Variants in RHBDL2 observed in about 807,000 individuals in gnomAD.
RHBDL2 encodes the protein rhomboid like 2, also known as rhomboid-related protein 2.
RHBDL2 carries 26 observed loss-of-function variants against 31.7 expected under a neutral mutation model. That is an observed-to-expected ratio of 0.82 (90% CI 0.60 to 1.14). The LOEUF (loss-of-function observed/expected upper bound fraction) is 1.14. Among genes scored for constraint, RHBDL2 ranks in the 50% most tolerant of loss-of-function variants. The pLI is 0.00. For missense variants in RHBDL2, 336 were observed against 364.4 expected, an observed-to-expected ratio of 0.92 and a Z score of 0.63; for synonymous variants, 123 against 127.2, an observed-to-expected ratio of 0.97 and a Z score of 0.22.
chr1:38,911,460 A>G, intron 3 of RHBDL2, 26 bp from the exon 4 acceptor site: 1 of 1,472,816 alleles, frequency 6.8e-7, no homozygotes, highest in East Asian at 2.3e-5. Context: ...ATAGTTGTCA[A>G]ATATTATGAC....
Position 38,919,220 on chromosome 1 carries a change from G to C in RHBDL2, c.-8C>G, listed in dbSNP as rs1643278813. On this transcript the variant is annotated 5_prime_UTR_variant, in exon 2 of 8. Coordinates refer to ENST00000372990, the MANE Select transcript of RHBDL2 (RefSeq NM_017821.5). ...ATCATGAACAGCAGCCATTGTCCTG[G>C]GTCCTCCCTCCTCCCCAGAAGGACA... The C allele has an allele frequency of 6.2e-7, 1 of 1,613,780 alleles. No homozygotes were observed. The highest frequency in any genetic ancestry group is 1.1e-5 in the South Asian group (1 of 91,074).
chr1:38,911,576 C>T (rs1643142017), intron 3 of RHBDL2, 142 bp from the exon 4 acceptor site: 4 of 628,890 alleles, frequency 6.4e-6, no homozygotes, highest in African/African-American at 1.9e-5. Flanking sequence ...TCTTCGCAGA[C>T]AACTCTTTTT....
chr1:38,899,430 G>A (rs1378168859), intron 4 of RHBDL2, among the ~76,000 whole-genome samples: 1 of 152,176 alleles, frequency 6.6e-6, no homozygotes, highest in Non-Finnish European at 1.5e-5. Flanking sequence ...TAGGGAAGAT[G>A]GGGGGCAGTT....
At position 38,919,237 on chromosome 1, in the gene RHBDL2, A is replaced by C; in HGVS notation, c.-25T>G. 1 of 1,613,918 alleles carries C rather than the reference A, an allele frequency of 6.2e-7. No homozygotes were observed. The highest frequency in any genetic ancestry group is 8.5e-7 in the Non-Finnish European group (1 of 1,179,980). On this transcript the variant is annotated 5_prime_UTR_variant, in exon 2 of 8. Transcript: ENST00000372990. The stretch of plus-strand genomic sequence containing the variant: ...TTGTCCTGGGTCCTCCCTCCTCCCC[A>C]GAAGGACATGAATCCCAGGGAACAG...
chr1:38,904,941 G>A (rs566562676), intron 4 of RHBDL2, among the ~76,000 whole-genome samples: 2 of 150,090 alleles, frequency 1.3e-5, no homozygotes, highest in African/African-American at 4.8e-5. Context: ...TGAGGCAGGA[G>A]AATGGCGTGA....
chr1:38,927,375 C>G (rs552761733), intron 1 of RHBDL2, among the ~76,000 whole-genome samples: 12 of 151,982 alleles, frequency 7.9e-5, no homozygotes, highest in Non-Finnish European at 1.5e-4. Context: ...TGCGGTGAGC[C>G]GAGATCGCGC....
chr1:38,927,449 C>T (rs774468394), intron 1 of RHBDL2, among the ~76,000 whole-genome samples: 2 of 151,680 alleles, frequency 1.3e-5, no homozygotes, highest in Non-Finnish European at 2.9e-5. Context: ...AAGAAAAGAG[C>T]CTCCTACCAA....
intron 6 of RHBDL2, among the ~76,000 whole-genome samples, chr1:38,888,750 C>A (rs1345636958): frequency 3.3e-5 from 5 of 152,170 alleles, no homozygotes; most frequent in African/African-American, 1.2e-4. Context: ...TAAACCCACC[C>A]CAGACCTACT....
chr1:38,912,265 C>T (rs966013754), intron 3 of RHBDL2, among the ~76,000 whole-genome samples: 1 of 151,916 alleles, frequency 6.6e-6, no homozygotes, highest in Admixed American at 6.6e-5. Flanking sequence ...CCACCATGCC[C>T]GGCCTAATTT....
At chr1:38,911,693 G>A (rs926016419) in intron 3 of RHBDL2, among the ~76,000 whole-genome samples, 5 of 151,804 alleles carry the variant, frequency 3.3e-5, no homozygotes, top group Non-Finnish European at 5.9e-5. Flanking sequence ...AGCCAGGGGT[G>A]CAGTGGTGCA....
At chr1:38,935,504 G>A (rs1442007790) in intron 1 of RHBDL2, among the ~76,000 whole-genome samples, 4 of 152,230 alleles carry the variant, frequency 2.6e-5, no homozygotes, top group Admixed American at 2.6e-4. Flanking sequence ...TCTGTAAAAG[G>A]AGGGTGGTAA....
intron 6 of RHBDL2, among the ~76,000 whole-genome samples, chr1:38,888,352 A>G (rs1169185767): frequency 1.4e-5 from 2 of 147,432 alleles, no homozygotes; most frequent in Non-Finnish European, 1.5e-5. Context: ...GTTGGGGGGT[A>G]TGTGGGGGGG....
chr1:38,898,837 G>A (rs1348778791), intron 4 of RHBDL2, among the ~76,000 whole-genome samples: 1 of 152,154 alleles, frequency 6.6e-6, no homozygotes, highest in Admixed American at 6.6e-5. Context: ...AAAATGAAGT[G>A]GGAAGACTAC....
Position 38,915,723 on chromosome 1 carries a change from G to A in RHBDL2, c.247-13C>T. The A allele has an allele frequency of 6.2e-7, 1 of 1,613,934 alleles. No homozygotes were observed. The highest frequency in any genetic ancestry group is 8.5e-7 in the Non-Finnish European group (1 of 1,179,956). ...TAAACACTGCCAGCTGATGGAGGGA[G>A]CAGACATGAGTATTAACCACACCTT... is the stretch of plus-strand genomic sequence containing the variant. On this transcript the variant is annotated splice_polypyrimidine_tract_variant and intron_variant, in intron 2 of 7. Transcript: ENST00000372990.
At chr1:38,936,155 G>A (rs776811115) in intron 1 of RHBDL2, among the ~76,000 whole-genome samples, 66 of 152,094 alleles carry the variant, frequency 4.3e-4, no homozygotes, top group Middle Eastern at 3.2e-3. Context: ...CTCTCACTTC[G>A]ACCTTCCTAA....
chr1:38,937,997 T>C (rs1643527702), intron 1 of RHBDL2, among the ~76,000 whole-genome samples: 1 of 151,360 alleles, frequency 6.6e-6, no homozygotes, highest in South Asian at 2.1e-4. Context: ...GAAATGCAAA[T>C]CAGGTAGTGT....
intron 6 of RHBDL2, among the ~76,000 whole-genome samples, chr1:38,889,107 G>C (rs901599047): frequency 2.6e-5 from 4 of 152,040 alleles, no homozygotes; most frequent in Non-Finnish European, 4.4e-5. Context: ...TTGTTTGTTT[G>C]TTTATGACAG....
chr1:38,903,020 A>T (rs1435169274), intron 4 of RHBDL2, among the ~76,000 whole-genome samples: 1 of 152,242 alleles, frequency 6.6e-6, no homozygotes, highest in Non-Finnish European at 1.5e-5. Flanking sequence ...ATCTAATGGA[A>T]TCTACAAAAA....
rs985504596 is a variant in RHBDL2 at position 38,929,310 on chromosome 1, G to A, written c.-125-9973C>T. On this transcript the variant is annotated intron_variant, in intron 1 of 7. Coordinates refer to ENST00000372990, the MANE Select transcript of RHBDL2 (RefSeq NM_017821.5). Reference sequence around the variant, plus strand: ...GAATTCCCACCATCCCCACTGCTACGACGAGGACTCTAGGTGGACACAAGC... The same window carrying A: ...GAATTCCCACCATCCCCACTGCTACAACGAGGACTCTAGGTGGACACAAGC... 5.6e-5 allele frequency: 55 copies of A among 978,256 alleles called. 1 individual carries two copies. The highest frequency in any genetic ancestry group is 1.5e-4 in the South Asian group (11 of 71,810). 60.6% of individuals were successfully genotyped at this position (978,256 alleles called of 1,614,324 possible).
Sources: allele counts gnomAD v4.1 joint callset (sites outside exome capture counted in the v4.1 genomes callset), GRCh38; gene constraint gnomAD v4.1.1; transcripts MANE v1.5; gene names NCBI Gene and HGNC (gene_info 2026-07-23, HGNC 2026-07-21).